RABGAP1L: variants seen among roughly 807,000 people sequenced by gnomAD.
RABGAP1L encodes the protein RAB GTPase activating protein 1 like, also known as rab GTPase-activating protein 1-like.
In RABGAP1L, 63 loss-of-function variants were observed where a neutral mutation model predicts 137.7. The observed-to-expected ratio is 0.46, with a 90% confidence interval of 0.37 to 0.56. The LOEUF (loss-of-function observed/expected upper bound fraction) is 0.56. Ranked by LOEUF, RABGAP1L falls within the 20% of genes least tolerant of loss-of-function variation. The pLI is 0.00. For synonymous variants in RABGAP1L, 431 were observed against 433.7 expected (o/e 0.99, Z 0.08); for missense variants, 1,095 against 1,244.0 (o/e 0.88, Z 1.80).
In RABGAP1L at chr1:174,933,952, G is replaced by A. The variant is rs374989233; in HGVS notation, c.2341-23505G>A. On this transcript the variant is annotated intron_variant, in intron 19 of 25. Coordinates refer to ENST00000681986, the MANE Select transcript of RABGAP1L (RefSeq NM_001366446.1). ...TAGGGAAAATCAAGGAATTATACTC[G>A]AATTAAACTGTGCTTTGTCTTTTTG... is the stretch of plus-strand genomic sequence containing the variant. Among the ~76,000 whole-genome samples, 23 of 152,244 alleles carry A rather than the reference G, an allele frequency of 1.5e-4. 1 individual carries two copies. The highest frequency in any genetic ancestry group is 5.1e-4 in the African/African-American group (21 of 41,546).
At chr1:174,769,741 G>A (rs115209840) in intron 18 of RABGAP1L, among the ~76,000 whole-genome samples, 3,216 of 152,070 alleles carry the variant, frequency 0.021, 52 homozygotes, top group Middle Eastern at 0.085. Flanking sequence ...TAGTCCCAGC[G>A]ACTCCAGAGG....
chr1:174,163,091 A>G, intron 1 of RABGAP1L, among the ~76,000 whole-genome samples: 1 of 152,106 alleles, frequency 6.6e-6, no homozygotes, highest in African/African-American at 2.4e-5. Context: ...GCCATTACAA[A>G]CAGTGGAGGC....
chr1:174,189,044 T>C (rs1293783609), intron 1 of RABGAP1L, among the ~76,000 whole-genome samples: 2 of 152,176 alleles, frequency 1.3e-5, no homozygotes, highest in East Asian at 3.8e-4. Flanking sequence ...CTTGCTCTGT[T>C]GCCCAGGCTG....
At chr1:174,392,186 T>G (rs944745785) in intron 12 of RABGAP1L, among the ~76,000 whole-genome samples, 12 of 152,248 alleles carry the variant, frequency 7.9e-5, no homozygotes. Flanking sequence ...TTGTGTTTTA[T>G]GATTATAAAA....
chr1:174,703,539 C>T (rs748430251), intron 17 of RABGAP1L, among the ~76,000 whole-genome samples: 1 of 152,100 alleles, frequency 6.6e-6, no homozygotes. Flanking sequence ...AATAGTGCTG[C>T]GATAAGCATA....
At chr1:174,173,157 T>C (rs1334667357) in intron 1 of RABGAP1L, among the ~76,000 whole-genome samples, 1 of 150,988 alleles carries the variant, frequency 6.6e-6, no homozygotes, top group East Asian at 1.9e-4. Context: ...TAAGATGGAG[T>C]CTCACTCTTG....
chr1:174,879,100 GTTT>G (rs75370052), intron 19 of RABGAP1L, among the ~76,000 whole-genome samples: 3 of 116,376 alleles, frequency 2.6e-5, no homozygotes, highest in Non-Finnish European at 3.7e-5. Flanking sequence ...ACGCCTGGCT[GTTT>G]TTTTTTTTTT....
At chr1:174,550,895 T>TATATATACACACACACACATATAC (rs1456087584) in intron 13 of RABGAP1L, among the ~76,000 whole-genome samples, 1 of 50,968 alleles carries the variant, frequency 2.0e-5, no homozygotes, top group Non-Finnish European at 3.5e-5. Context: ...TATATATATA[T>TATATATACACACACACACATATAC]ACACACACAC....
intron 14 of RABGAP1L, among the ~76,000 whole-genome samples, chr1:174,679,282 C>A (rs147243406): frequency 6.6e-6 from 1 of 152,186 alleles, no homozygotes; most frequent in African/African-American, 2.4e-5. Context: ...ACCTTCCCAG[C>A]TAGGCTTAGG....
intron 1 of RABGAP1L, among the ~76,000 whole-genome samples, chr1:174,205,584 A>G (rs1571542226): frequency 6.6e-6 from 1 of 152,038 alleles, no homozygotes; most frequent in East Asian, 1.9e-4. Context: ...AGGTGTCTGT[A>G]GTAGTTTCTG....
In RABGAP1L at chr1:174,392,496, A is replaced by G. The variant is rs1423118092; in HGVS notation, c.1560-1499A>G. On this transcript the variant is annotated intron_variant, in intron 12 of 25. Coordinates refer to ENST00000681986, the MANE Select transcript of RABGAP1L (RefSeq NM_001366446.1). ...TTATTTTTGCTTCAAGCCCATCAGTATTATCAGCTTAGTTTCTCTAACCCA... is the reference window on the plus strand; with the variant it reads ...TTATTTTTGCTTCAAGCCCATCAGTGTTATCAGCTTAGTTTCTCTAACCCA... Among the ~76,000 whole-genome samples, 3 of 152,342 alleles carry G rather than the reference A, an allele frequency of 2.0e-5. No homozygotes were observed. In the East Asian group the frequency reaches 5.8e-4, roughly 29 times the overall value.
At chr1:174,905,134 C>T (rs1045307850) in intron 19 of RABGAP1L, among the ~76,000 whole-genome samples, 4 of 152,112 alleles carry the variant, frequency 2.6e-5, no homozygotes, top group Admixed American at 2.6e-4. Context: ...TAAAGATTTG[C>T]TAAGGAACTA....
chr1:174,899,479 G>A (rs562769312), intron 19 of RABGAP1L, among the ~76,000 whole-genome samples: 1 of 152,190 alleles, frequency 6.6e-6, no homozygotes, highest in Admixed American at 6.6e-5. Flanking sequence ...TTAAACTTGG[G>A]CAATTCATTT....
chr1:174,589,175 T>C (rs1669360249), intron 13 of RABGAP1L, among the ~76,000 whole-genome samples: 2 of 152,360 alleles, frequency 1.3e-5, no homozygotes, highest in South Asian at 4.1e-4. Context: ...TCATTGTAGT[T>C]TTAATTTCCA....
chr1:174,572,116 A>C (rs1160351205), intron 13 of RABGAP1L, among the ~76,000 whole-genome samples: 1 of 152,202 alleles, frequency 6.6e-6, no homozygotes, highest in South Asian at 2.1e-4. Flanking sequence ...TTACATGGAC[A>C]TTTGAGATCG....
At chr1:174,974,742 C>T (rs1670499600) in intron 21 of RABGAP1L, among the ~76,000 whole-genome samples, 1 of 152,330 alleles carries the variant, frequency 6.6e-6, no homozygotes, top group African/African-American at 2.4e-5. Flanking sequence ...GAAGACAGGG[C>T]AAGCAGAGCA....
At chr1:174,859,482 C>CAAAAAAA (rs35464065) in intron 19 of RABGAP1L, among the ~76,000 whole-genome samples, 9 of 133,632 alleles carry the variant, frequency 6.7e-5, no homozygotes, top group East Asian at 3.1e-4. Context: ...GACTCCATCT[C>CAAAAAAA]AAAAAAAAAG....
intron 13 of RABGAP1L, among the ~76,000 whole-genome samples, chr1:174,425,738 T>C (rs1023826738): frequency 1.3e-5 from 2 of 152,074 alleles, no homozygotes; most frequent in African/African-American, 4.8e-5. Flanking sequence ...ACTTAATAAT[T>C]GAAGTTTCTT....
At chr1:174,723,872 G>A (rs937834724) in intron 17 of RABGAP1L, among the ~76,000 whole-genome samples, 2 of 152,088 alleles carry the variant, frequency 1.3e-5, no homozygotes, top group African/African-American at 4.8e-5. Context: ...ATAAATAGGA[G>A]GCCACTGAAA....
Sources: gnomAD v4.1 joint callset for allele counts (sites outside exome capture counted in the v4.1 genomes callset) on GRCh38, gnomAD v4.1.1 for gene constraint, MANE v1.5 for transcripts, NCBI Gene and HGNC (gene_info 2026-07-23, HGNC 2026-07-21) for gene names.